The following NSD1 variants were observed in gnomAD, a reference collection of about 807,000 sequenced individuals.
NSD1 encodes nuclear receptor binding SET domain protein 1, also known as histone-lysine N-methyltransferase, H3 lysine-36 specific.
In NSD1, 26 loss-of-function variants were observed where a neutral mutation model predicts 242.7. The observed-to-expected ratio is 0.11, with a 90% CI of 0.08 to 0.15. NSD1 has a LOEUF of 0.15. Among genes scored for constraint, NSD1 ranks in the 10% least tolerant of loss-of-function variants. The pLI, the probability that NSD1 is intolerant of heterozygous loss-of-function variation, is 1.00. For missense variants in NSD1, 2,495 were observed against 3,272.8 expected (o/e 0.76, Z 5.80); for synonymous variants, 1,106 against 1,178.1 (o/e 0.94, Z 1.25).
chr5:177,147,792 G>A (rs1757375713), intron 2 of NSD1, among the ~76,000 whole-genome samples: 2 of 152,052 alleles, frequency 1.3e-5, no homozygotes, highest in Non-Finnish European at 2.9e-5. Context: ...GTTTCACCAT[G>A]TTGGTCAGGG....
At chr5:177,139,786 C>T (rs1215309912) in intron 2 of NSD1, among the ~76,000 whole-genome samples, 1 of 151,994 alleles carries the variant, frequency 6.6e-6, no homozygotes, top group Non-Finnish European at 1.5e-5. Flanking sequence ...GAGATCCTGT[C>T]TCTACACTCA....
At chr5:177,149,826 C>T (rs990161375) in intron 2 of NSD1, among the ~76,000 whole-genome samples, 7 of 152,148 alleles carry the variant, frequency 4.6e-5, no homozygotes, top group Admixed American at 2.6e-4. Flanking sequence ...CTATGCAGCC[C>T]GGTTCCTAAC....
In NSD1 at chr5:177,273,777, A is replaced by G; in HGVS notation, c.5615A>G (p.His1872Arg). The change falls in exon 17 of 23, where the codon CAT becomes CGT. Residue 1872 changes from histidine (H) to arginine (R), a missense_variant. By Grantham distance (29) the His-to-Arg change is conservative. Coordinates refer to ENST00000439151, the MANE Select transcript of NSD1 (RefSeq NM_022455.5). The stretch of plus-strand genomic sequence containing the variant: ...GACAAGAAGCCACCACCTTATAAAC[A>G]TATAAAGGTGAGGAGAAAATCTTGG... ...KNDKKPPPYK[H>R]IKVNRPIGRV... The G allele has an allele frequency of 1.2e-6, 2 of 1,606,424 alleles. No homozygotes were observed. The highest frequency in any genetic ancestry group is 1.7e-6 in the Non-Finnish European group (2 of 1,173,206).
intron 22 of NSD1, among the ~76,000 whole-genome samples, chr5:177,293,182 T>C (rs956555486): frequency 2.0e-5 from 3 of 152,064 alleles, no homozygotes; most frequent in African/African-American, 7.2e-5. Context: ...GTAGTTGATT[T>C]GAAGGTGGAA....
intron 3 of NSD1, among the ~76,000 whole-genome samples, chr5:177,201,612 G>A (rs1354522381): frequency 6.8e-6 from 1 of 147,988 alleles, no homozygotes; most frequent in Non-Finnish European, 1.5e-5. Context: ...AGGCTAGAGT[G>A]CAGTGGTGGG....
chr5:177,189,315 G>A (rs895839542), intron 2 of NSD1, among the ~76,000 whole-genome samples: 1 of 152,074 alleles, frequency 6.6e-6, no homozygotes, highest in African/African-American at 2.4e-5. Flanking sequence ...ACTTTCTCTG[G>A]TTCTGTGGTT....
At chr5:177,147,670 A>C (rs971308168) in intron 2 of NSD1, among the ~76,000 whole-genome samples, 3 of 151,102 alleles carry the variant, frequency 2.0e-5, no homozygotes, top group Non-Finnish European at 4.4e-5. Context: ...GCTCACTGCA[A>C]CCTCCGCCTC....
In NSD1 at chr5:177,296,090, G is replaced by GAAGT. The variant is rs1012861308; in HGVS notation, c.*632_*635dup. The GAAGT allele has an allele frequency of 4.0e-6, 1 of 252,012 alleles. No individual in the cohort carries two copies. Among genetic ancestry groups the GAAGT allele is most frequent in the Non-Finnish European group, 7.8e-6 (1 of 128,168 alleles). 15.6% of individuals were successfully genotyped at this position (252,012 alleles called of 1,614,324 possible). ...TGGCACCAGAAGTGGTTGTGTTGAG[G>GAAGT]AAGTGTCTCTTGGCTGCGGTGTGCA... On this transcript the variant is annotated 3_prime_UTR_variant, in exon 23 of 23. Coordinates refer to ENST00000439151, the MANE Select transcript of NSD1 (RefSeq NM_022455.5).
chr5:177,168,872 T>C (rs568616260), intron 2 of NSD1, among the ~76,000 whole-genome samples: 4 of 152,278 alleles, frequency 2.6e-5, no homozygotes, highest in African/African-American at 9.6e-5. Flanking sequence ...AAAAAAGTAG[T>C]TGAGATGCTT....
chr5:177,217,920 G>A (rs761541068), intron 5 of NSD1, among the ~76,000 whole-genome samples: 14 of 151,084 alleles, frequency 9.3e-5, no homozygotes, highest in Admixed American at 5.9e-4. Context: ...TGCCCACCTC[G>A]GCCTCCCAAA....
At position 177,298,101 on chromosome 5, in the gene NSD1, C is replaced by G. The variant is rs1240494073; in HGVS notation, c.*2642C>G. On this transcript the variant is annotated 3_prime_UTR_variant, in exon 23 of 23. Coordinates refer to ENST00000439151, the MANE Select transcript of NSD1 (RefSeq NM_022455.5). The stretch of plus-strand genomic sequence containing the variant: ...TATCCAATTAGAAGCAGAGTCACAA[C>G]AACTGTTGGGAAATGTGACTCTTGG... 1 of 232,822 alleles carries G rather than the reference C, an allele frequency of 4.3e-6. No individual in the cohort carries two copies. The highest frequency in any genetic ancestry group is 2.2e-5 in the African/African-American group (1 of 45,174). The allele number at this position is 232,822 out of a possible 1,614,324, so 14.4% of individuals were successfully genotyped here. A position where few individuals can be genotyped will look rare whatever the true frequency, so the allele number is the denominator to read the frequency against.
At chr5:177,183,677 C>T (rs1020072488) in intron 2 of NSD1, among the ~76,000 whole-genome samples, 24 of 152,032 alleles carry the variant, frequency 1.6e-4, no homozygotes, top group African/African-American at 5.1e-4. Flanking sequence ...TTATTATCAA[C>T]CTGTTGTGCT....
chr5:177,228,653 T>C (rs541919144), intron 5 of NSD1, among the ~76,000 whole-genome samples: 1 of 152,222 alleles, frequency 6.6e-6, no homozygotes, highest in African/African-American at 2.4e-5. Flanking sequence ...ATAATCTGTA[T>C]TGGAAGAGTG....
At chr5:177,231,451 A>G (rs1180681221) in intron 5 of NSD1, among the ~76,000 whole-genome samples, 1 of 152,066 alleles carries the variant, frequency 6.6e-6, no homozygotes, top group Non-Finnish European at 1.5e-5. Flanking sequence ...TGACAAGGTT[A>G]TTATTATTTT....
chr5:177,277,715 GA>G (rs35052491), intron 17 of NSD1, among the ~76,000 whole-genome samples: 7,952 of 147,660 alleles, frequency 0.054, 216 homozygotes, highest in South Asian at 0.084. Context: ...AAAATACAAA[GA>G]AAAAAAAAAA....
intron 8 of NSD1, 132 bp downstream of exon 8, chr5:177,239,997 C>T: frequency 1.6e-6 from 1 of 628,590 alleles, no homozygotes; most frequent in Non-Finnish European, 2.9e-6. Context: ...AGCAGTCATA[C>T]ATGATCTGAG....
At chr5:177,265,718 T>G in intron 14 of NSD1, 1 of 1,601,114 alleles carries the variant, frequency 6.2e-7, no homozygotes. Flanking sequence ...CAAGGTCAGG[T>G]AGTCCTCCAT....
intron 2 of NSD1, among the ~76,000 whole-genome samples, chr5:177,178,095 A>G (rs571400584): frequency 2.0e-5 from 3 of 151,764 alleles, no homozygotes; most frequent in South Asian, 4.2e-4. Context: ...CAGTTTCATC[A>G]TGTTGGCCAG....
Position 177,275,435 on chromosome 5 carries a change from C to CTTTTTTTTTTT in NSD1, c.5622+1667_5622+1677dup, listed in dbSNP as rs749631943. ...TGTGATTCCATTGTGCTTCCCTTGTCTTTTTTTTTTTTTTTTTTTTTTTTT... is the reference window on the plus strand; with the variant it reads ...TGTGATTCCATTGTGCTTCCCTTGTCTTTTTTTTTTTTTTTTTTTTTTTTTTTTTTTTTTTT... On this transcript the variant is annotated intron_variant, in intron 17 of 22. Coordinates refer to ENST00000439151, the MANE Select transcript of NSD1 (RefSeq NM_022455.5). Among the ~76,000 whole-genome samples, 3 of 50,144 alleles carry CTTTTTTTTTTT rather than the reference C, an allele frequency of 6.0e-5. 1 individual carries two copies. The highest frequency in any genetic ancestry group is 8.8e-5 in the African/African-American group (1 of 11,322). The allele number at this position is 50,144 out of a possible 152,430, so 32.9% of individuals were successfully genotyped here. A position where few individuals can be genotyped will look rare whatever the true frequency, so the allele number is the denominator to read the frequency against.
Sources: gnomAD v4.1 joint callset for allele counts (sites outside exome capture counted in the v4.1 genomes callset) on GRCh38, gnomAD v4.1.1 for gene constraint, MANE v1.5 for transcripts, NCBI Gene and HGNC (gene_info 2026-07-23, HGNC 2026-07-21) for gene names.